Variants in KIAA1958 observed in about 807,000 individuals in gnomAD.
The protein encoded by KIAA1958 is uncharacterized protein KIAA1958.
KIAA1958 carries 14 observed loss-of-function variants against 47.2 expected under a neutral mutation model. That is an observed-to-expected ratio of 0.30 (90% CI 0.20 to 0.46). The LOEUF (loss-of-function observed/expected upper bound fraction) is 0.46. Ranked by LOEUF, KIAA1958 falls within the 20% of genes least tolerant of loss-of-function variation. The probability of loss-of-function intolerance (pLI) is 1.00; values close to 1 mark genes in which losing one functional copy is unlikely to be tolerated. For synonymous variants in KIAA1958, 354 were observed against 353.3 expected (o/e 1.00, Z -0.02); for missense variants, 803 against 909.2 (o/e 0.88, Z 1.50).
chr9:112,628,300 A>G (rs552256096), intron 2 of KIAA1958, among the ~76,000 whole-genome samples: 1 of 152,200 alleles, frequency 6.6e-6, no homozygotes, highest in Non-Finnish European at 1.5e-5. Flanking sequence ...ATTTGGACAC[A>G]TTGCTGATGA....
At chr9:112,580,987 T>A (rs907174457) in intron 2 of KIAA1958, among the ~76,000 whole-genome samples, 1 of 152,216 alleles carries the variant, frequency 6.6e-6, no homozygotes, top group African/African-American at 2.4e-5. Flanking sequence ...AAGATTGATA[T>A]GGCAGGCAGC....
At chr9:112,646,475 A>G (rs1456427496) in intron 3 of KIAA1958, among the ~76,000 whole-genome samples, 3 of 152,212 alleles carry the variant, frequency 2.0e-5, no homozygotes, top group African/African-American at 7.2e-5. Flanking sequence ...AAGAAACATA[A>G]TGAAAGTGGT....
chr9:112,644,487 A>C (rs1190969599), intron 2 of KIAA1958, among the ~76,000 whole-genome samples: 1 of 152,234 alleles, frequency 6.6e-6, no homozygotes, highest in Non-Finnish European at 1.5e-5. Context: ...GAGAACTATT[A>C]GATGAAGTGT....
At chr9:112,640,836 G>A (rs932486787) in intron 2 of KIAA1958, among the ~76,000 whole-genome samples, 8 of 152,080 alleles carry the variant, frequency 5.3e-5, no homozygotes, top group Non-Finnish European at 8.8e-5. Context: ...AGTCCTCCAC[G>A]TGCATGAATT....
rs750884672 is a variant in KIAA1958 at position 112,665,438 on chromosome 9, C to G, written c.*5369C>G. ...ATCTAGGCTCAGAGGAGTTAAAATT[C>G]TGAAAATCTCACCGATAAGTTGGAG... On this transcript the variant is annotated 3_prime_UTR_variant, in exon 4 of 4. Coordinates refer to ENST00000337530, the MANE Select transcript of KIAA1958 (RefSeq NM_133465.4). 6.6e-6 allele frequency: 1 copy of G among 152,128 alleles called. No homozygotes were observed. Among genetic ancestry groups the G allele is most frequent in the Non-Finnish European group, 1.5e-5 (1 of 68,030 alleles). The allele number at this position is 152,128 out of a possible 1,614,324, so 9.4% of individuals were successfully genotyped here. A position where few individuals can be genotyped will look rare whatever the true frequency, so the allele number is the denominator to read the frequency against.
intron 1 of KIAA1958, among the ~76,000 whole-genome samples, chr9:112,561,634 C>T (rs62568604): frequency 0.054 from 8,222 of 152,194 alleles, 330 homozygotes; most frequent in Non-Finnish European, 0.086. Context: ...GCGGGCATAT[C>T]ACCTGAGGTC....
chr9:112,575,353 C>A, intron 2 of KIAA1958, 102 bp downstream of exon 2: 4 of 734,620 alleles, frequency 5.4e-6, no homozygotes, highest in Non-Finnish European at 8.6e-6. Context: ...AGAATTCAGT[C>A]CTTTGTTAGT....
At position 112,531,192 on chromosome 9, in the gene KIAA1958, C is replaced by T. The variant is rs148917414; in HGVS notation, c.-24-42865C>T. ...TCACCTGAGGTTGGGAGTTCGAGACCAGCTTGACCAACATGGAGAAACCCC... is the reference window on the plus strand; with the variant it reads ...TCACCTGAGGTTGGGAGTTCGAGACTAGCTTGACCAACATGGAGAAACCCC... On this transcript the variant is annotated intron_variant, in intron 1 of 3. Coordinates refer to ENST00000337530, the MANE Select transcript of KIAA1958 (RefSeq NM_133465.4). 9.5e-3 allele frequency among the ~76,000 whole-genome samples: 1,442 copies of T among 152,226 alleles called. 15 individuals are homozygous for T. Among genetic ancestry groups the T allele is most frequent in the African/African-American group, 0.033 (1,370 of 41,544 alleles).
intron 1 of KIAA1958, among the ~76,000 whole-genome samples, chr9:112,554,413 G>A (rs562562498): frequency 2.6e-5 from 4 of 152,100 alleles, no homozygotes; most frequent in South Asian, 2.1e-4. Flanking sequence ...CAGGAGAATC[G>A]CTTGAACCCG....
In KIAA1958 at chr9:112,575,225, C is replaced by T. The variant is rs770544190; in HGVS notation, c.1145C>T (p.Thr382Ile). Reference protein sequence around the residue: ...QQPPVAPAITTEATAQCIPAY... With the variant: ...QQPPVAPAITIEATAQCIPAY... ...CCCCCAGTCGCTCCAGCCATAACCA[C>T]TGAGGCCACAGCACAGTGCATACCA... is the stretch of plus-strand genomic sequence containing the variant. Residue 382 changes from threonine to isoleucine, a missense_variant, in exon 2 of 4, where the codon ACT (threonine) becomes ATT (isoleucine). Transcript: ENST00000337530. 6.4e-7 allele frequency: 1 copy of T among 1,569,530 alleles called. No individual in the cohort carries two copies. The highest frequency in any genetic ancestry group is 8.6e-7 in the Non-Finnish European group (1 of 1,165,106).
intron 1 of KIAA1958, among the ~76,000 whole-genome samples, chr9:112,545,017 T>C (rs545686158): frequency 6.6e-6 from 1 of 152,148 alleles, no homozygotes; most frequent in Non-Finnish European, 1.5e-5. Context: ...CTGCTTAGGA[T>C]TCAGTTCATT....
At chr9:112,640,766 G>A (rs1050286182) in intron 2 of KIAA1958, among the ~76,000 whole-genome samples, 7 of 152,136 alleles carry the variant, frequency 4.6e-5, no homozygotes, top group Non-Finnish European at 7.4e-5. Context: ...TTTTATCAAG[G>A]TTGATTCTCA....
intron 1 of KIAA1958, among the ~76,000 whole-genome samples, chr9:112,494,077 C>T (rs1834014045): frequency 1.3e-5 from 2 of 152,192 alleles, no homozygotes; most frequent in Non-Finnish European, 2.9e-5. Context: ...GAGTCATATT[C>T]TATTCTGGTA....
At chr9:112,628,245 A>G (rs1836652188) in intron 2 of KIAA1958, among the ~76,000 whole-genome samples, 1 of 152,206 alleles carries the variant, frequency 6.6e-6, no homozygotes, top group African/African-American at 2.4e-5. Context: ...ACTTTATAGA[A>G]ACTTGTTGTG....
At chr9:112,620,064 C>T (rs1283297767) in intron 2 of KIAA1958, among the ~76,000 whole-genome samples, 2 of 152,088 alleles carry the variant, frequency 1.3e-5, no homozygotes, top group Admixed American at 1.3e-4. Context: ...CGAGATTTTT[C>T]TATAGTAAAT....
intron 3 of KIAA1958, among the ~76,000 whole-genome samples, chr9:112,650,929 T>G (rs1837046177): frequency 6.6e-6 from 1 of 152,162 alleles, no homozygotes; most frequent in Non-Finnish European, 1.5e-5. Context: ...AGAAGGAATT[T>G]TAACAGGAAG....
chr9:112,626,484 C>T (rs191318320), intron 2 of KIAA1958, among the ~76,000 whole-genome samples: 1 of 152,082 alleles, frequency 6.6e-6, no homozygotes, highest in East Asian at 1.9e-4. Context: ...TCAATAAGAG[C>T]TTTGAAAATG....
intron 1 of KIAA1958, among the ~76,000 whole-genome samples, chr9:112,488,076 T>TAACA (rs1833899878): frequency 6.6e-6 from 1 of 152,012 alleles, no homozygotes; most frequent in South Asian, 2.1e-4. Flanking sequence ...GCCAGTCAGG[T>TAACA]AGTGACAGCT....
intron 1 of KIAA1958, among the ~76,000 whole-genome samples, chr9:112,521,122 C>T (rs1004388475): frequency 6.6e-6 from 1 of 151,896 alleles, no homozygotes; most frequent in Non-Finnish European, 1.5e-5. Context: ...TAAGACAATC[C>T]GTCTTCCTGG....
Sources: gnomAD v4.1 joint callset for allele counts (sites outside exome capture counted in the v4.1 genomes callset) on GRCh38, gnomAD v4.1.1 for gene constraint, MANE v1.5 for transcripts, NCBI Gene and HGNC (gene_info 2026-07-23, HGNC 2026-07-21) for gene names.